CNKSR2: variants seen among roughly 807,000 people sequenced by gnomAD.
The protein encoded by CNKSR2 is connector enhancer of kinase suppressor of Ras 2, also known as CNK homolog protein 2.
In CNKSR2, 14 loss-of-function variants were observed where a neutral mutation model predicts 84.4. The observed-to-expected ratio is 0.17, with a 90% CI of 0.11 to 0.26. The LOEUF (loss-of-function observed/expected upper bound fraction) is 0.26, where lower values mean the gene tolerates loss of function less well. Ranked by LOEUF, CNKSR2 falls within the 10% of genes least tolerant of loss-of-function variation. The pLI is 1.00. For missense variants in CNKSR2, 485 were observed against 771.2 expected (o/e 0.63, Z 4.40); for synonymous variants, 275 against 277.9 (o/e 0.99, Z 0.10).
intron 9 of CNKSR2, among the ~76,000 whole-genome samples, chrX:21,525,782 CTA>C (rs1417283713): frequency 1.8e-5 from 2 of 111,274 alleles, no homozygotes; most frequent in African/African-American, 3.2e-5. Context: ...AACTGTGAGT[CTA>C]TATAAATATG....
intron 20 of CNKSR2, among the ~76,000 whole-genome samples, chrX:21,622,606 C>A (rs2092606587): frequency 9.0e-6 from 1 of 111,641 alleles, no homozygotes; most frequent in Non-Finnish European, 1.9e-5. Flanking sequence ...AAAACAAAAG[C>A]AAAATTACAT....
chrX:21,628,689 G>T (rs1259758600), intron 20 of CNKSR2, among the ~76,000 whole-genome samples: 1 of 111,084 alleles, frequency 9.0e-6, no homozygotes, highest in Admixed American at 9.6e-5. Context: ...GGGACACAGG[G>T]CGCCACACCT....
intron 8 of CNKSR2, 86 bp downstream of exon 8, chrX:21,501,674 C>A: frequency 2.3e-6 from 1 of 438,064 alleles, no homozygotes; most frequent in East Asian, 4.2e-5. Context: ...AATGAAATTC[C>A]TGTTTGTATA....
chrX:21,646,387 T>C (rs2092707034), intron 20 of CNKSR2, among the ~76,000 whole-genome samples: 1 of 111,873 alleles, frequency 8.9e-6, no homozygotes, highest in African/African-American at 3.2e-5. Flanking sequence ...TTTTTATTGT[T>C]TAATACCTAT....
At position 21,609,391 on chromosome X, in the gene CNKSR2, G is replaced by T. The variant is rs200902796; in HGVS notation, c.2466G>T (p.Gly822=). 4 of 1,209,625 alleles carry T rather than the reference G, an allele frequency of 3.3e-6. No individual in the cohort carries two copies. In the African/African-American group the frequency reaches 7.0e-5, roughly 21 times the overall value. The stretch of plus-strand genomic sequence containing the variant: ...AATGCCACCTGCAGGATCACTATGG[G>T]CCATACCCCTTAGCTGAGAGTGAGA... ...TQKCHLQDHY[G]PYPLAESERM... is the part of the protein sequence containing the mutation. Residue 822 remains glycine (G), a synonymous_variant, in exon 20 of 22, where the codon GGG becomes GGT. Transcript: ENST00000379510.
At chrX:21,566,096 T>G (rs1387730407) in intron 13 of CNKSR2, among the ~76,000 whole-genome samples, 1 of 96,679 alleles carries the variant, frequency 1.0e-5, no homozygotes, top group Non-Finnish European at 1.9e-5. Flanking sequence ...AATAAATGAG[T>G]GCATTTGAAA....
At chrX:21,601,644 C>T (rs1476563107) in intron 18 of CNKSR2, among the ~76,000 whole-genome samples, 4 of 111,966 alleles carry the variant, frequency 3.6e-5, no homozygotes, top group Non-Finnish European at 7.5e-5. Context: ...ATGATTGAAC[C>T]AAGTCCAGAT....
intron 1 of CNKSR2, among the ~76,000 whole-genome samples, chrX:21,395,711 A>G (rs765257216): frequency 6.3e-5 from 7 of 111,757 alleles, no homozygotes; most frequent in Non-Finnish European, 9.4e-5. Context: ...TTTTAAATTC[A>G]TGTTCATACT....
chrX:21,517,677 C>T (rs1038866862), intron 9 of CNKSR2, among the ~76,000 whole-genome samples: 5 of 109,655 alleles, frequency 4.6e-5, no homozygotes, highest in African/African-American at 9.9e-5. Context: ...CTTCACGAAA[C>T]GTACATTTTA....
At chrX:21,488,235 A>G (rs924210169) in intron 5 of CNKSR2, among the ~76,000 whole-genome samples, 2 of 112,022 alleles carry the variant, frequency 1.8e-5, no homozygotes, top group African/African-American at 6.5e-5. Context: ...ATAGGATTTC[A>G]GTATTTTAAG....
chrX:21,546,240 A>G (rs770472015), intron 11 of CNKSR2, among the ~76,000 whole-genome samples: 9 of 109,222 alleles, frequency 8.2e-5, no homozygotes, highest in Non-Finnish European at 1.7e-4. Context: ...GACCTGATGG[A>G]GCTGAAAAAC....
chrX:21,593,199 G>T (rs1232500064), intron 15 of CNKSR2: 1 of 111,060 alleles, frequency 9.0e-6, no homozygotes, highest in Non-Finnish European at 1.9e-5. Context: ...GAATGTCAAG[G>T]GTAAAGTAAC....
Position 21,447,345 on chromosome X carries a change from G to A in CNKSR2, c.519+6564G>A, listed in dbSNP as rs189801568. Among the ~76,000 whole-genome samples, 12 of 111,422 alleles carry A rather than the reference G, an allele frequency of 1.1e-4. 1 individual carries two copies. In the East Asian group the frequency reaches 3.1e-3, roughly 29 times the overall value. ...TTTGCATATGCTCATCTTTACAGCTGTGAATATCATGTTCTCAAAATTTTA... is the reference window on the plus strand; with the variant it reads ...TTTGCATATGCTCATCTTTACAGCTATGAATATCATGTTCTCAAAATTTTA... On this transcript the variant is annotated intron_variant, in intron 4 of 21. Coordinates refer to ENST00000379510, the MANE Select transcript of CNKSR2 (RefSeq NM_014927.5).
chrX:21,464,734 T>C (rs1338221245), intron 4 of CNKSR2, among the ~76,000 whole-genome samples: 1 of 111,822 alleles, frequency 8.9e-6, no homozygotes, highest in African/African-American at 3.2e-5. Flanking sequence ...TCATCAACTA[T>C]TATATTAGAT....
intron 11 of CNKSR2, among the ~76,000 whole-genome samples, chrX:21,535,787 A>G (rs757047916): frequency 9.0e-6 from 1 of 111,026 alleles, no homozygotes; most frequent in Non-Finnish European, 1.9e-5. Flanking sequence ...AGGTTTTTCT[A>G]TATATAAGAA....
chrX:21,640,598 G>A (rs2147336205), intron 20 of CNKSR2, among the ~76,000 whole-genome samples: 1 of 111,668 alleles, frequency 9.0e-6, no homozygotes, highest in South Asian at 3.8e-4. Context: ...TTCTAAGGGA[G>A]GACATAATGA....
At chrX:21,518,445 G>A (rs2091750364) in intron 9 of CNKSR2, among the ~76,000 whole-genome samples, 1 of 111,572 alleles carries the variant, frequency 9.0e-6, no homozygotes, top group African/African-American at 3.2e-5. Context: ...CTCGGTTTGA[G>A]GGAATATCTC....
At chrX:21,576,064 G>T in intron 13 of CNKSR2, among the ~76,000 whole-genome samples, 1 of 112,181 alleles carries the variant, frequency 8.9e-6, no homozygotes. Flanking sequence ...GGGTACAGAA[G>T]TACTGAATGA....
chrX:21,549,417 A>G (rs920883463), intron 11 of CNKSR2, among the ~76,000 whole-genome samples: 1 of 112,114 alleles, frequency 8.9e-6, no homozygotes, highest in Admixed American at 9.4e-5. Context: ...ATCAAAGAGG[A>G]CACAAACAAA....
Sources: allele counts gnomAD v4.1 joint callset (sites outside exome capture counted in the v4.1 genomes callset), GRCh38; gene constraint gnomAD v4.1.1; transcripts MANE v1.5; gene names NCBI Gene and HGNC (gene_info 2026-07-23, HGNC 2026-07-21).